SANBR: variants seen among roughly 807,000 people sequenced by gnomAD.
SANBR encodes the protein SANT and BTB domain regulator of class switch recombination.
Under a neutral mutation model 101.8 loss-of-function variants are expected in SANBR, and 77 were observed. The observed-to-expected ratio is 0.76, with a 90% CI of 0.63 to 0.91. SANBR has a LOEUF of 0.91. Ranked by LOEUF, SANBR falls within the 40% of genes least tolerant of loss-of-function variation. SANBR has a pLI of 0.00. For missense variants in SANBR, 875 were observed against 853.0 expected, an observed-to-expected ratio of 1.03 and a Z score of -0.32; for synonymous variants, 279 against 274.7, an observed-to-expected ratio of 1.02 and a Z score of -0.15.
chr2:61,104,211 G>C (rs139998920), intron 13 of SANBR, among the ~76,000 whole-genome samples: 2 of 152,068 alleles, frequency 1.3e-5, no homozygotes, highest in Admixed American at 1.3e-4. Flanking sequence ...GGCTGGGCGC[G>C]GTGGCTCACA....
At chr2:61,091,702 A>C (rs945998423) in intron 10 of SANBR, among the ~76,000 whole-genome samples, 1 of 152,132 alleles carries the variant, frequency 6.6e-6, no homozygotes, top group African/African-American at 2.4e-5. Context: ...TTGAAGTTGC[A>C]ATAAGCTATG....
chr2:61,078,450 CCT>C (rs1044278254), intron 6 of SANBR, among the ~76,000 whole-genome samples: 1 of 151,820 alleles, frequency 6.6e-6, no homozygotes, highest in African/African-American at 2.4e-5. Context: ...GAGACAGAGT[CCT>C]CTCTTGTCAC....
chr2:61,115,346 AT>A (rs34181850), intron 16 of SANBR, among the ~76,000 whole-genome samples: 9,048 of 147,552 alleles, frequency 0.061, 937 homozygotes, highest in African/African-American at 0.21. Context: ...ATATATATAT[AT>A]TTTTTTTTTG....
intron 10 of SANBR, chr2:61,088,707 G>A (rs1682587192): frequency 3.7e-6 from 1 of 272,944 alleles, no homozygotes. Flanking sequence ...TTTTAGTAGA[G>A]ATGGAGTTTC....
intron 11 of SANBR, 82 bp downstream of exon 11, chr2:61,092,669 T>C: frequency 1.8e-6 from 2 of 1,126,674 alleles, no homozygotes; most frequent in Non-Finnish European, 2.5e-6. Context: ...AATTGATATG[T>C]TTAAATGTGT....
chr2:61,086,830 A>G (rs1481475616), intron 8 of SANBR, among the ~76,000 whole-genome samples: 1 of 152,160 alleles, frequency 6.6e-6, no homozygotes, highest in African/African-American at 2.4e-5. Flanking sequence ...AATGCAGGGG[A>G]TTATTCAAGA....
chr2:61,121,395 A>T (rs1213591651), intron 21 of SANBR, 119 bp downstream of exon 21: 1 of 595,640 alleles, frequency 1.7e-6, no homozygotes, highest in Non-Finnish European at 3.0e-6. Flanking sequence ...TTTTGTTTCA[A>T]TGATTATATT....
In SANBR at chr2:61,123,336, T is replaced by G. The variant is rs1684407672; in HGVS notation, c.*1174T>G. ...TGTGTGACAAAAGAGCAATTTCCAT[T>G]GAAATATTGAAGTGTTACACTCAGT... On this transcript the variant is annotated 3_prime_UTR_variant, in exon 22 of 22. Transcript: ENST00000402291. 5.1e-6 allele frequency: 5 copies of G among 977,102 alleles called. No homozygotes were observed. Among genetic ancestry groups the G allele is most frequent in the Non-Finnish European group, 6.1e-6 (5 of 822,418 alleles). 60.5% of individuals were successfully genotyped at this position (977,102 alleles called of 1,614,324 possible). A position where few individuals can be genotyped will look rare whatever the true frequency, so the allele number is the denominator to read the frequency against.
chr2:61,128,415 G>A (rs185236758), downstream of SANBR, among the ~76,000 whole-genome samples: 477 of 152,290 alleles, frequency 3.1e-3, 1 homozygote, highest in African/African-American at 0.011. Context: ...GGCACTTTGC[G>A]AGGCCAGGGA....
Position 61,123,983 on chromosome 2 carries a change from A to G in SANBR, c.*1821A>G, listed in dbSNP as rs994229150. ...GTGGCATACACCTGTAGTCCCAGCT[A>G]CTCGGGAGGCTGAGGCACAAGAATT... is the stretch of plus-strand genomic sequence containing the variant. On this transcript the variant is annotated 3_prime_UTR_variant, in exon 22 of 22. Transcript: ENST00000402291. 2.5e-5 allele frequency: 8 copies of G among 318,788 alleles called. No homozygotes were observed. The East Asian group carries it at 5.1e-4, about 20-fold the overall frequency. The allele number at this position is 318,788 out of a possible 1,614,324, so 19.7% of individuals were successfully genotyped here. A position where few individuals can be genotyped will look rare whatever the true frequency, so the allele number is the denominator to read the frequency against.
chr2:61,136,401 G>A (rs12478983), intron 21 of SANBR, among the ~76,000 whole-genome samples: 4 of 151,890 alleles, frequency 2.6e-5, no homozygotes, highest in East Asian at 1.9e-4. Flanking sequence ...TTGGGAGGCC[G>A]AGGTGGGTGG....
intron 20 of SANBR, among the ~76,000 whole-genome samples, chr2:61,131,623 G>A (rs998349275): frequency 1.3e-5 from 2 of 152,298 alleles, no homozygotes; most frequent in East Asian, 1.9e-4. Flanking sequence ...TTAATCTACA[G>A]ATTCACCACA....
exon 22 of SANBR, chr2:61,137,830 C>A (rs1684895401): frequency 6.6e-6 from 1 of 152,156 alleles, no homozygotes; most frequent in Non-Finnish European, 1.5e-5. Flanking sequence ...TGTTGTTATA[C>A]TTTTACTACA....
In SANBR at chr2:61,088,254, A is replaced by C; in HGVS notation, c.977+9A>C. On this transcript the variant is annotated intron_variant, in intron 9 of 21. Transcript: ENST00000402291. The stretch of plus-strand genomic sequence containing the variant: ...GCAGCAACATTGTATAGGTATGCTA[A>C]CATGTTTTTTTCTTTGGTGTACTTT... 1.3e-6 allele frequency: 2 copies of C among 1,595,798 alleles called. No homozygotes were observed. The highest frequency in any genetic ancestry group is 2.3e-5 in the South Asian group (2 of 87,702).
At chr2:61,130,364 A>G (rs1684649545) in intron 20 of SANBR, among the ~76,000 whole-genome samples, 1 of 152,208 alleles carries the variant, frequency 6.6e-6, no homozygotes, top group Non-Finnish European at 1.5e-5. Flanking sequence ...CAGAAAGAGA[A>G]AATATGAATA....
At chr2:61,094,748 A>G (rs1428552389) in intron 11 of SANBR, among the ~76,000 whole-genome samples, 1 of 147,424 alleles carries the variant, frequency 6.8e-6, no homozygotes, top group East Asian at 2.0e-4. Context: ...GGTTCAAGCG[A>G]TTCTCCTGTC....
Position 61,103,909 on chromosome 2 carries a change from T to G in SANBR, c.1422T>G (p.Asp474Glu), listed in dbSNP as rs756251056. 1 of 1,614,164 alleles carries G rather than the reference T, an allele frequency of 6.2e-7. No homozygotes were observed. Reference protein sequence around the residue: ...VTLRDQGEGGDLPSCPTARML... With the variant: ...VTLRDQGEGGELPSCPTARML... ...TTCGTGATCAAGGTGAAGGCGGAGA[T>G]TTGCCGTCCTGTCCCACTGCTAGAA... The change falls in exon 13 of 22, where the codon GAT (aspartate) becomes GAG (glutamate). Residue 474 changes from aspartate to glutamate, a missense_variant. Asp to Glu is a conservative substitution (Grantham distance 45). Transcript: ENST00000402291.
chr2:61,127,533 G>A (rs183432893), downstream of SANBR, among the ~76,000 whole-genome samples: 56 of 152,264 alleles, frequency 3.7e-4, no homozygotes, highest in African/African-American at 1.3e-3. Flanking sequence ...ATGAACACTT[G>A]GATAAGTAAC....
intron 6 of SANBR, among the ~76,000 whole-genome samples, chr2:61,079,968 C>T (rs1359805793): frequency 6.6e-6 from 1 of 150,782 alleles, no homozygotes; most frequent in Non-Finnish European, 1.5e-5. Context: ...GAGGCCGAGG[C>T]GGACGGATCA....
Sources: gnomAD v4.1 joint callset for allele counts (sites outside exome capture counted in the v4.1 genomes callset) on GRCh38, gnomAD v4.1.1 for gene constraint, MANE v1.5 for transcripts, NCBI Gene and HGNC (gene_info 2026-07-23, HGNC 2026-07-21) for gene names.